RSRC1: variants seen among roughly 807,000 people sequenced by gnomAD.
The protein encoded by RSRC1 is arginine and serine rich coiled-coil 1.
RSRC1 carries 39 observed loss-of-function variants against 49.1 expected under a neutral mutation model. The observed-to-expected ratio is 0.79, with a 90% CI of 0.61 to 1.04. RSRC1 has a LOEUF of 1.04. Among genes scored for constraint, RSRC1 ranks in the 50% least tolerant of loss-of-function variants. RSRC1 has a pLI of 0.00. For synonymous variants in RSRC1, 143 were observed against 130.8 expected, an observed-to-expected ratio of 1.09 and a Z score of -0.63; for missense variants, 388 against 402.4, an observed-to-expected ratio of 0.96 and a Z score of 0.31.
chr3:158,456,384 A>T (rs1737318674), intron 6 of RSRC1, among the ~76,000 whole-genome samples: 1 of 151,870 alleles, frequency 6.6e-6, no homozygotes, highest in Non-Finnish European at 1.5e-5. Flanking sequence ...ATTAGCCCAA[A>T]CTCAGGTAAA....
chr3:158,166,137 G>A (rs62288354), intron 3 of RSRC1, among the ~76,000 whole-genome samples: 1 of 152,182 alleles, frequency 6.6e-6, no homozygotes, highest in Non-Finnish European at 1.5e-5. Flanking sequence ...GGCAAATTGT[G>A]TGACGGGGAT....
chr3:158,368,230 C>T (rs139225372), intron 6 of RSRC1, among the ~76,000 whole-genome samples: 1 of 152,234 alleles, frequency 6.6e-6, no homozygotes. Context: ...AATTTTAAAG[C>T]TAAACCTCTT....
intron 5 of RSRC1, among the ~76,000 whole-genome samples, chr3:158,349,064 T>C (rs1389303306): frequency 6.7e-6 from 1 of 148,538 alleles, no homozygotes; most frequent in African/African-American, 2.6e-5. Context: ...GTCTTTTTTA[T>C]AGAATGATCT....
chr3:158,518,004 A>C (rs1740668545), intron 7 of RSRC1, among the ~76,000 whole-genome samples: 1 of 148,954 alleles, frequency 6.7e-6, no homozygotes, highest in Admixed American at 6.7e-5. Context: ...TCCTAGAATA[A>C]ACCAAACATG....
chr3:158,256,934 TA>T (rs1258547749), intron 4 of RSRC1, among the ~76,000 whole-genome samples: 1 of 152,186 alleles, frequency 6.6e-6, no homozygotes, highest in Non-Finnish European at 1.5e-5. Flanking sequence ...TATCATTTTT[TA>T]TTGCACCTAT....
chr3:158,396,378 T>C (rs1270813101), intron 6 of RSRC1, among the ~76,000 whole-genome samples: 1 of 149,772 alleles, frequency 6.7e-6, no homozygotes, highest in Non-Finnish European at 1.5e-5. Flanking sequence ...AGCTGCTTTT[T>C]GGTGATGGGC....
chr3:158,241,598 C>T (rs978690563), intron 4 of RSRC1, among the ~76,000 whole-genome samples: 4 of 151,638 alleles, frequency 2.6e-5, no homozygotes, highest in South Asian at 2.1e-4. Context: ...AAAAATCAGC[C>T]GGGTTAAGTG....
intron 5 of RSRC1, among the ~76,000 whole-genome samples, chr3:158,326,685 A>G (rs1164562016): frequency 1.3e-5 from 2 of 152,072 alleles, no homozygotes; most frequent in African/African-American, 4.8e-5. Flanking sequence ...AATGGTTTAA[A>G]TTCTCTTTTT....
At chr3:158,171,833 C>T (rs1260252356) in intron 3 of RSRC1, among the ~76,000 whole-genome samples, 1 of 151,900 alleles carries the variant, frequency 6.6e-6, no homozygotes, top group African/African-American at 2.4e-5. Flanking sequence ...TGCCTGTAGT[C>T]CTAGCTACCC....
At position 158,130,808 on chromosome 3, in the gene RSRC1, T is replaced by G. The variant is rs1289034554; in HGVS notation, c.320+6817T>G. ...GTAATTTTGTACATGTTGTATATGT[T>G]TTGTACCTTTTATATTTTACATATT... On this transcript the variant is annotated intron_variant, in intron 3 of 9. Coordinates refer to ENST00000611884, the MANE Select transcript of RSRC1 (RefSeq NM_001271838.2). Among the ~76,000 whole-genome samples the G allele has an allele frequency of 2.0e-5, 3 of 152,196 alleles. No homozygotes were observed. The East Asian group carries it at 5.8e-4, about 29-fold the overall frequency.
intron 3 of RSRC1, among the ~76,000 whole-genome samples, chr3:158,184,585 C>G (rs527998931): frequency 6.6e-6 from 1 of 151,956 alleles, no homozygotes; most frequent in East Asian, 1.9e-4. Context: ...TTCACAGATT[C>G]GGAAGAAAAG....
At chr3:158,524,308 A>AT (rs1711874712) in intron 7 of RSRC1, among the ~76,000 whole-genome samples, 1 of 151,954 alleles carries the variant, frequency 6.6e-6, no homozygotes, top group Non-Finnish European at 1.5e-5. Context: ...ATTAAGATGA[A>AT]TTTTTTCCTT....
intron 3 of RSRC1, among the ~76,000 whole-genome samples, chr3:158,147,474 A>G (rs1161976514): frequency 6.6e-6 from 1 of 151,280 alleles, no homozygotes; most frequent in Non-Finnish European, 1.5e-5. Flanking sequence ...AGCCATTGTC[A>G]TACTTCAGGA....
At chr3:158,112,883 A>AGAATATGC (rs1714507348) in intron 1 of RSRC1, among the ~76,000 whole-genome samples, 1 of 152,002 alleles carries the variant, frequency 6.6e-6, no homozygotes. Flanking sequence ...CTTATGAGTG[A>AGAATATGC]GAATATGCGG....
chr3:158,253,580 C>T (rs1469540310), intron 4 of RSRC1, among the ~76,000 whole-genome samples: 4 of 152,088 alleles, frequency 2.6e-5, no homozygotes, highest in East Asian at 1.9e-4. Context: ...CAATTAGGTC[C>T]GTTTCCTGGA....
intron 7 of RSRC1, among the ~76,000 whole-genome samples, chr3:158,518,859 T>G (rs1007790978): frequency 1.3e-5 from 2 of 152,216 alleles, no homozygotes; most frequent in Admixed American, 1.3e-4. Flanking sequence ...TTTCTTCTTC[T>G]TGATTTCCAA....
intron 7 of RSRC1, among the ~76,000 whole-genome samples, chr3:158,468,193 A>G (rs1192832541): frequency 1.3e-5 from 2 of 152,220 alleles, no homozygotes; most frequent in Non-Finnish European, 2.9e-5. Context: ...TCGGCCTCCC[A>G]AAGTGCTGGG....
chr3:158,487,173 A>G (rs533539642), intron 7 of RSRC1, among the ~76,000 whole-genome samples: 125 of 152,340 alleles, frequency 8.2e-4, no homozygotes, highest in African/African-American at 2.9e-3. Flanking sequence ...TGCTTTAAGC[A>G]GTAGAGCTAA....
chr3:158,328,178 C>G (rs1457499765), intron 5 of RSRC1, among the ~76,000 whole-genome samples: 1 of 152,114 alleles, frequency 6.6e-6, no homozygotes, highest in Non-Finnish European at 1.5e-5. Context: ...GGTCTTGACT[C>G]TTTATCCAAT....
Sources: allele counts gnomAD v4.1 joint callset (sites outside exome capture counted in the v4.1 genomes callset), GRCh38; gene constraint gnomAD v4.1.1; transcripts MANE v1.5; gene names NCBI Gene and HGNC (gene_info 2026-07-23, HGNC 2026-07-21).